HNRNPUL2: variants seen among roughly 807,000 people sequenced by gnomAD.
HNRNPUL2 encodes the protein heterogeneous nuclear ribonucleoprotein U like 2, also known as heterogeneous nuclear ribonucleoprotein U-like protein 2.
In HNRNPUL2, 27 loss-of-function variants were observed where a neutral mutation model predicts 102.2. The observed-to-expected ratio is 0.26, with a 90% CI of 0.19 to 0.36. The LOEUF is 0.36. Among genes scored for constraint, HNRNPUL2 ranks in the 10% least tolerant of loss-of-function variants. HNRNPUL2 has a pLI of 1.00. For synonymous variants in HNRNPUL2, 458 were observed against 387.2 expected (o/e 1.18, Z -2.15); for missense variants, 936 against 981.1 (o/e 0.95, Z 0.61).
At chr11:62,721,696 G>T in intron 8 of HNRNPUL2, 124 bp downstream of exon 8, 1 of 1,227,924 alleles carries the variant, frequency 8.1e-7, no homozygotes, top group Non-Finnish European at 1.1e-6. Flanking sequence ...AACGCATAGA[G>T]AAAAATCTCA....
At chr11:62,720,927 T>G in intron 9 of HNRNPUL2, among the ~76,000 whole-genome samples, 1 of 140,390 alleles carries the variant, frequency 7.1e-6, no homozygotes, top group African/African-American at 2.7e-5. Flanking sequence ...AGATAAAGGG[T>G]CAATACACAT....
intron 1 of HNRNPUL2, among the ~76,000 whole-genome samples, chr11:62,726,029 G>C (rs1322016213): frequency 6.6e-6 from 1 of 152,120 alleles, no homozygotes; most frequent in Non-Finnish European, 1.5e-5. Context: ...AAATGAACTA[G>C]ATTAAGATTT....
intron 8 of HNRNPUL2, 110 bp downstream of exon 8, chr11:62,721,710 C>T: frequency 7.7e-7 from 1 of 1,290,732 alleles, no homozygotes. Flanking sequence ...AATCTCATTT[C>T]TCTATTTCTG....
In HNRNPUL2 at chr11:62,726,659, C is replaced by T. The variant is rs371037123; in HGVS notation, c.498G>A (p.Pro166=). 110 of 1,598,414 alleles carry T rather than the reference C, an allele frequency of 6.9e-5. No homozygotes were observed. Among genetic ancestry groups the T allele is most frequent in the Non-Finnish European group, 9.1e-5 (107 of 1,178,726 alleles). The stretch of plus-strand genomic sequence containing the variant: ...CCTTGTCACCCGGCACCTCGGATCC[C>T]GGCGTCTCGTCCCCGCTCCGCTCCT... ...EPEERSGDET[P]GSEVPGDKAA... The change falls in exon 1 of 14, where the codon CCG becomes CCA. Residue 166 remains proline (P), a synonymous_variant. Transcript: ENST00000301785.
At chr11:62,726,594 C>A (rs770642404) in intron 1 of HNRNPUL2, 25 bp downstream of exon 1, 11 of 1,509,938 alleles carry the variant, frequency 7.3e-6, no homozygotes, top group Non-Finnish European at 9.7e-6. Context: ...CAGGTTGGAG[C>A]CGGGCTCGGC....
At position 62,713,730 on chromosome 11, in the gene HNRNPUL2, G is replaced by A. The variant is rs1273626912; in HGVS notation, c.*1569C>T. The A allele has an allele frequency of 2.0e-5, 3 of 152,268 alleles. No homozygotes were observed. The East Asian group carries it at 5.8e-4, about 29-fold the overall frequency. The allele number at this position is 152,268 out of a possible 1,614,324, so 9.4% of individuals were successfully genotyped here. On this transcript the variant is annotated 3_prime_UTR_variant, in exon 14 of 14. Coordinates refer to ENST00000301785, the MANE Select transcript of HNRNPUL2 (RefSeq NM_001079559.3). ...TTTAAACAGAGAACTGCCCAGGTGA[G>A]GAAATGGAAGTGAAGCATTTTCTAG...
Position 62,721,955 on chromosome 11 carries a change from G to A in HNRNPUL2, c.1360-13C>T. On this transcript the variant is annotated splice_polypyrimidine_tract_variant and intron_variant, in intron 7 of 13. Transcript: ENST00000301785. ...CCATCAGAATCACCTGCAAAAAACA[G>A]AACCAGAAATATAATGAAAAATAAA... is the stretch of plus-strand genomic sequence containing the variant. The A allele has an allele frequency of 6.2e-7, 1 of 1,612,780 alleles. No homozygotes were observed. Among genetic ancestry groups the A allele is most frequent in the Non-Finnish European group, 8.5e-7 (1 of 1,179,622 alleles).
chr11:62,724,609 A>G (rs900554465), intron 1 of HNRNPUL2, among the ~76,000 whole-genome samples, 183 bp from the exon 2 acceptor site: 1 of 152,126 alleles, frequency 6.6e-6, no homozygotes, highest in African/African-American at 2.4e-5. Flanking sequence ...CTGTGATTTA[A>G]TTTTTTTAAA....
chr11:62,719,225 A>C (rs960209648), intron 10 of HNRNPUL2, among the ~76,000 whole-genome samples: 5 of 152,220 alleles, frequency 3.3e-5, no homozygotes, highest in African/African-American at 1.2e-4. Flanking sequence ...CAAGGCGGGC[A>C]AATCACCTGA....
chr11:62,715,828 G>A, intron 12 of HNRNPUL2, 36 bp downstream of exon 12: 1 of 1,586,208 alleles, frequency 6.3e-7, no homozygotes, highest in Non-Finnish European at 8.7e-7. Context: ...GGCTCTCACA[G>A]CCCAGAGTGA....
intron 13 of HNRNPUL2, 57 bp downstream of exon 13, chr11:62,715,443 C>T (rs2083652657): frequency 1.3e-6 from 2 of 1,567,158 alleles, no homozygotes; most frequent in Non-Finnish European, 1.8e-6. Flanking sequence ...AGGCATAACA[C>T]TCATCCTTCT....
chr11:62,720,056 C>T lies in HNRNPUL2; in HGVS notation c.1747G>A (p.Asp583Asn), dbSNP rs530696789. 6.8e-6 allele frequency: 11 copies of T among 1,614,196 alleles called. No individual in the cohort carries two copies. In the East Asian group the frequency reaches 2.2e-4, roughly 33 times the overall value. Residue 583 changes from aspartate (D) to asparagine (N), a missense_variant, in exon 10 of 14, where the codon GAT becomes AAT. Coordinates refer to ENST00000301785, the MANE Select transcript of HNRNPUL2 (RefSeq NM_001079559.3). Reference sequence around the variant, plus strand: ...TCCAGCATTATAGATTCAGGCACATCATCTCCCTCTACTTCCTTCCTCAAC... The same window carrying T: ...TCCAGCATTATAGATTCAGGCACATTATCTCCCTCTACTTCCTTCCTCAAC... Reference protein sequence around the residue: ...LELRKEVEGDDVPESIMLEMK... With the variant: ...LELRKEVEGDNVPESIMLEMK...
chr11:62,715,997 G>C, intron 11 of HNRNPUL2, 60 bp from the exon 12 acceptor site: 4 of 1,370,596 alleles, frequency 2.9e-6, no homozygotes, highest in Non-Finnish European at 4.0e-6. Flanking sequence ...CTCCACATCT[G>C]GGTGGAAATC....
intron 10 of HNRNPUL2, among the ~76,000 whole-genome samples, chr11:62,719,062 G>A (rs2083681590): frequency 6.6e-6 from 1 of 152,046 alleles, no homozygotes; most frequent in Non-Finnish European, 1.5e-5. Context: ...TCCTGACCTT[G>A]TAATCCACCC....
rs372702434 is a variant in HNRNPUL2, at chr11:62,722,122, A to G, written c.1354T>C (p.Cys452Arg). 5.6e-6 allele frequency: 9 copies of G among 1,613,280 alleles called. No homozygotes were observed. The highest frequency in any genetic ancestry group is 1.7e-5 in the Admixed American group (1 of 59,988). The change falls in exon 7 of 14, where the codon TGT becomes CGT. Residue 452 changes from cysteine (C) to arginine (R), a missense_variant. Transcript: ENST00000301785. ...TAVPPKTIEE[C>R]EVILMVGLPG... Reference sequence around the variant, plus strand: ...TCGTATACTGTTTGGCATACCTCACATTCCTCTATGGTCTTGGGAGGGACT... The same window carrying G: ...TCGTATACTGTTTGGCATACCTCACGTTCCTCTATGGTCTTGGGAGGGACT...
In HNRNPUL2 at chr11:62,714,850, G is replaced by C. The variant is rs1327177048; in HGVS notation, c.*449C>G. ...CTCCTGCCTGCTCCTACCTGCTGTGGAGAGCACCCTCGCGCTGCCTCCCCA... is the reference window on the plus strand; with the variant it reads ...CTCCTGCCTGCTCCTACCTGCTGTGCAGAGCACCCTCGCGCTGCCTCCCCA... On this transcript the variant is annotated 3_prime_UTR_variant, in exon 14 of 14. Transcript: ENST00000301785. The C allele has an allele frequency of 6.1e-6, 1 of 163,012 alleles. No individual in the cohort carries two copies. Among genetic ancestry groups the C allele is most frequent in the Admixed American group, 6.1e-5 (1 of 16,408 alleles). 10.1% of individuals were successfully genotyped at this position (163,012 alleles called of 1,614,324 possible). A position where few individuals can be genotyped will look rare whatever the true frequency, so the allele number is the denominator to read the frequency against.
rs2083714146 is a variant in HNRNPUL2, at chr11:62,722,858, G to C, written c.937C>G (p.Leu313Val). 6.2e-7 allele frequency: 1 copy of C among 1,614,188 alleles called. No individual in the cohort carries two copies. The highest frequency in any genetic ancestry group is 8.5e-7 in the Non-Finnish European group (1 of 1,180,044). The change falls in exon 5 of 14, where the codon CTC (leucine) becomes GTC (valine). Residue 313 changes from leucine (L) to valine (V), a missense_variant. Physicochemically the swap from Leu to Val is conservative, Grantham distance 32. Coordinates refer to ENST00000301785, the MANE Select transcript of HNRNPUL2 (RefSeq NM_001079559.3). ...PMKEGCTEVS[L>V]LRVGWSVDFS... ...TCAACAGACCACCCAACTCGAAGGA[G>C]AGAGACCTCTGTGCAGCCTTCTTTC...
At chr11:62,721,672 AT>A (rs2083704122) in intron 8 of HNRNPUL2, 147 bp downstream of exon 8, 1 of 1,050,808 alleles carries the variant, frequency 9.5e-7, no homozygotes, top group Non-Finnish European at 1.4e-6. Flanking sequence ...GAAAAAAAAA[AT>A]CAATCCACCT....
At chr11:62,717,294 AT>A (rs2083668061) in intron 10 of HNRNPUL2, 105 bp from the exon 11 acceptor site, 1 of 792,762 alleles carries the variant, frequency 1.3e-6, no homozygotes. Context: ...TGCCTCATCT[AT>A]TACTGCACAA....
Sources: gnomAD v4.1 joint callset for allele counts (sites outside exome capture counted in the v4.1 genomes callset) on GRCh38, gnomAD v4.1.1 for gene constraint, MANE v1.5 for transcripts, NCBI Gene and HGNC (gene_info 2026-07-23, HGNC 2026-07-21) for gene names.